The following FBXL7 variants were observed in gnomAD, a reference collection of about 807,000 sequenced individuals.
The protein encoded by FBXL7 is F-box and leucine rich repeat protein 7.
A neutral mutation model predicts 38.3 loss-of-function variants in FBXL7; 12 were observed. That is an observed-to-expected ratio of 0.31 (90% CI 0.20 to 0.51). The LOEUF (loss-of-function observed/expected upper bound fraction) is 0.51, where lower values mean the gene tolerates loss of function less well. Ranked by LOEUF, FBXL7 falls within the 20% of genes least tolerant of loss-of-function variation. FBXL7 has a pLI of 0.98. For missense variants in FBXL7, 567 were observed against 676.4 expected (o/e 0.84, Z 1.79); for synonymous variants, 297 against 300.9 (o/e 0.99, Z 0.13).
intron 2 of FBXL7, among the ~76,000 whole-genome samples, chr5:15,746,841 A>C (rs1292321337): frequency 6.6e-6 from 1 of 152,106 alleles, no homozygotes; most frequent in South Asian, 2.1e-4. Context: ...GGAAAACAAA[A>C]TTTAAGGAAA....
intron 2 of FBXL7, among the ~76,000 whole-genome samples, chr5:15,844,972 G>A (rs971661221): frequency 6.6e-6 from 1 of 152,172 alleles, no homozygotes; most frequent in Non-Finnish European, 1.5e-5. Flanking sequence ...TTAAGCCACT[G>A]TGGCCTCCAA....
chr5:15,508,603 G>C (rs751659727), intron 1 of FBXL7, among the ~76,000 whole-genome samples: 1 of 152,108 alleles, frequency 6.6e-6, no homozygotes, highest in Non-Finnish European at 1.5e-5. Flanking sequence ...TCAACTATCT[G>C]ACCCTGAACC....
intron 2 of FBXL7, among the ~76,000 whole-genome samples, chr5:15,669,708 C>T (rs1742403318): frequency 6.6e-6 from 1 of 152,166 alleles, no homozygotes; most frequent in Non-Finnish European, 1.5e-5. Context: ...ACATCTAATC[C>T]TGTCACGGTA....
chr5:15,713,362 A>C (rs567785182), intron 2 of FBXL7, among the ~76,000 whole-genome samples: 1 of 152,312 alleles, frequency 6.6e-6, no homozygotes, highest in African/African-American at 2.4e-5. Flanking sequence ...ACATGTGGGA[A>C]TTATGGGAGC....
intron 2 of FBXL7, among the ~76,000 whole-genome samples, chr5:15,875,537 G>C (rs1355979425): frequency 6.6e-6 from 1 of 151,804 alleles, no homozygotes; most frequent in East Asian, 1.9e-4. Flanking sequence ...AATCTACAAG[G>C]AACTTAAGCA....
At chr5:15,534,748 G>A (rs994979010) in intron 1 of FBXL7, among the ~76,000 whole-genome samples, 1 of 152,184 alleles carries the variant, frequency 6.6e-6, no homozygotes, top group Non-Finnish European at 1.5e-5. Flanking sequence ...TGCCCTCCAA[G>A]TGGCTGTACC....
At chr5:15,648,647 C>T (rs542885726) in intron 2 of FBXL7, among the ~76,000 whole-genome samples, 2 of 152,222 alleles carry the variant, frequency 1.3e-5, no homozygotes, top group Non-Finnish European at 2.9e-5. Flanking sequence ...GATAAAGTCT[C>T]TGTTACCAGC....
intron 2 of FBXL7, among the ~76,000 whole-genome samples, chr5:15,690,013 A>C (rs1743133744): frequency 6.6e-6 from 1 of 152,216 alleles, no homozygotes; most frequent in Non-Finnish European, 1.5e-5. Context: ...AGACATTTCC[A>C]CATATCCCCA....
chr5:15,878,785 T>G (rs1453799313), intron 2 of FBXL7, among the ~76,000 whole-genome samples: 1 of 152,180 alleles, frequency 6.6e-6, no homozygotes. Flanking sequence ...GGAGATTAAA[T>G]GCACTTAGGG....
At chr5:15,541,478 TATAA>T (rs1490282767) in intron 1 of FBXL7, among the ~76,000 whole-genome samples, 2 of 129,748 alleles carry the variant, frequency 1.5e-5, no homozygotes, top group African/African-American at 5.8e-5. Flanking sequence ...TATATATATA[TATAA>T]AGGTATAGCC....
chr5:15,816,801 G>A (rs1346850179), intron 2 of FBXL7, among the ~76,000 whole-genome samples: 1 of 152,082 alleles, frequency 6.6e-6, no homozygotes, highest in East Asian at 1.9e-4. Context: ...ATTTTTTATT[G>A]TGATGGCAAC....
At chr5:15,548,051 C>T (rs1737964775) in intron 1 of FBXL7, among the ~76,000 whole-genome samples, 1 of 152,140 alleles carries the variant, frequency 6.6e-6, no homozygotes, top group South Asian at 2.1e-4. Flanking sequence ...ATTCTAATTT[C>T]CCATTTACAT....
chr5:15,702,826 G>T (rs929128244), intron 2 of FBXL7, among the ~76,000 whole-genome samples: 1 of 151,916 alleles, frequency 6.6e-6, no homozygotes, highest in East Asian at 1.9e-4. Flanking sequence ...AGCTGAGTCC[G>T]AAAAGAGAGT....
intron 1 of FBXL7, among the ~76,000 whole-genome samples, chr5:15,581,377 C>T (rs887819977): frequency 1.3e-5 from 2 of 152,130 alleles, no homozygotes; most frequent in African/African-American, 2.4e-5. Context: ...CCACCCCTCA[C>T]CCCCGGGCTG....
intron 2 of FBXL7, among the ~76,000 whole-genome samples, chr5:15,785,966 T>C (rs537395065): frequency 2.4e-4 from 37 of 152,340 alleles, no homozygotes; most frequent in African/African-American, 8.9e-4. Flanking sequence ...AGAAAATACT[T>C]TATGAACAGT....
At chr5:15,577,591 ATT>A (rs1239795332) in intron 1 of FBXL7, among the ~76,000 whole-genome samples, 1 of 120,558 alleles carries the variant, frequency 8.3e-6, no homozygotes, top group East Asian at 2.5e-4. Context: ...TATGTAATGC[ATT>A]TTGTGTGTGT....
intron 2 of FBXL7, among the ~76,000 whole-genome samples, chr5:15,742,798 G>A (rs1457863155): frequency 1.3e-5 from 2 of 152,150 alleles, no homozygotes; most frequent in Admixed American, 1.3e-4. Context: ...AAGGAAAGAG[G>A]TCTAATTGAC....
intron 2 of FBXL7, among the ~76,000 whole-genome samples, chr5:15,680,609 C>A (rs1042289653): frequency 6.6e-6 from 1 of 152,112 alleles, no homozygotes; most frequent in Non-Finnish European, 1.5e-5. Context: ...GAGATGTCAG[C>A]CAGAAATAAT....
chr5:15,741,036 A>G lies in FBXL7; in HGVS notation c.127+124964A>G, dbSNP rs191481704. On this transcript the variant is annotated intron_variant, in intron 2 of 3. Coordinates refer to ENST00000504595, the MANE Select transcript of FBXL7 (RefSeq NM_012304.5). ...TAAGCATATTGTGGACTGAAACACA[A>G]TATGCTCAGATAAATAACTCTTAGC... Among the ~76,000 whole-genome samples, 41 of 152,318 alleles carry G rather than the reference A, an allele frequency of 2.7e-4. No homozygotes were observed. The South Asian group carries it at 4.8e-3, about 18-fold the overall frequency.
Sources: allele counts gnomAD v4.1 joint callset (sites outside exome capture counted in the v4.1 genomes callset), GRCh38; gene constraint gnomAD v4.1.1; transcripts MANE v1.5; gene names NCBI Gene and HGNC (gene_info 2026-07-23, HGNC 2026-07-21).